The following LY75 variants were observed in gnomAD, a reference collection of about 807,000 sequenced individuals.
LY75 encodes C-type lectin domain family 13 member B.
Under a neutral mutation model 231.7 loss-of-function variants are expected in LY75, and 185 were observed. That is an observed-to-expected ratio of 0.80 (90% CI 0.71 to 0.90). The LOEUF is 0.90. Among genes scored for constraint, LY75 ranks in the 40% least tolerant of loss-of-function variants. LY75 has a pLI of 0.00. For synonymous variants in LY75, 668 were observed against 689.0 expected (o/e 0.97, Z 0.48); for missense variants, 1,947 against 2,050.2 (o/e 0.95, Z 0.97).
intron 31 of LY75, among the ~76,000 whole-genome samples, chr2:159,814,987 G>C: frequency 6.9e-6 from 1 of 145,160 alleles, no homozygotes; most frequent in African/African-American, 2.5e-5. Flanking sequence ...AAAATTATTT[G>C]TGAATACATC....
At chr2:159,850,211 T>C in intron 22 of LY75, 71 bp from the exon 23 acceptor site, 3 of 1,520,496 alleles carry the variant, frequency 2.0e-6, no homozygotes, top group South Asian at 2.6e-5. Context: ...TGTCAATGAA[T>C]ATATTTTGTT....
In LY75 at chr2:159,815,512, C is replaced by T. The variant is rs1436744372; in HGVS notation, c.4442G>A (p.Gly1481Asp). Residue 1481 changes from glycine (G) to aspartate (D), a missense_variant, in exon 31 of 35, where the codon GGC becomes GAC. By Grantham distance (94) the Gly-to-Asp change is moderately conservative (BLOSUM62 -1). Transcript: ENST00000263636. ...AACACAATTTCCAGGAGATGTTTGG[C>T]CTTTCCATGGGATATAGTCAAATGT... is the stretch of plus-strand genomic sequence containing the variant. Reference protein sequence around the residue: ...GSTFDYIPWKGQTSPGNCVLL... With the variant: ...GSTFDYIPWKDQTSPGNCVLL... The T allele has an allele frequency of 2.5e-6, 4 of 1,613,686 alleles. No homozygotes were observed. Among genetic ancestry groups the T allele is most frequent in the Non-Finnish European group, 3.4e-6 (4 of 1,179,954 alleles).
At chr2:159,809,774 T>C (rs1448957510) in intron 32 of LY75, among the ~76,000 whole-genome samples, 1 of 151,702 alleles carries the variant, frequency 6.6e-6, no homozygotes, top group Non-Finnish European at 1.5e-5. Context: ...ACCTCCCTGG[T>C]TCATGTGATT....
rs114997209 is a variant in LY75, at chr2:159,875,456, A to T, written c.1962T>A (p.Leu654=). The change falls in exon 12 of 35, where the codon CTT becomes CTA. Residue 654 remains leucine, a synonymous_variant. Transcript: ENST00000263636. ...PEGWQSFPAS[L]SCYKVFHAER... is the part of the protein sequence containing the mutation. ...AATGTCACTTTACCTTATAACAAGA[A>T]AGACTTGCGGGGAAACTCTGCCAGC... 6.2e-7 allele frequency: 1 copy of T among 1,612,988 alleles called. No individual in the cohort carries two copies. Among genetic ancestry groups the T allele is most frequent in the Admixed American group, 1.7e-5 (1 of 59,702 alleles).
chr2:159,900,877 T>C (rs12165237), intron 1 of LY75, among the ~76,000 whole-genome samples: 12,340 of 152,164 alleles, frequency 0.081, 1,346 homozygotes, highest in African/African-American at 0.25. Flanking sequence ...CTTGCTCTGT[T>C]GCCCAGGCTG....
chr2:159,873,288 C>T (rs992704611), intron 12 of LY75, among the ~76,000 whole-genome samples: 2 of 152,144 alleles, frequency 1.3e-5, no homozygotes, highest in Non-Finnish European at 1.5e-5. Flanking sequence ...TTGCCACAGC[C>T]CCCTGGTGGG....
chr2:159,857,593 T>G (rs1684585401), intron 16 of LY75, among the ~76,000 whole-genome samples: 1 of 151,940 alleles, frequency 6.6e-6, no homozygotes, highest in Admixed American at 6.6e-5. Flanking sequence ...AATACAAAAA[T>G]TGGCTAGGTG....
chr2:159,854,595 A>G (rs1178074298), intron 17 of LY75, 60 bp from the exon 18 acceptor site: 2 of 1,550,010 alleles, frequency 1.3e-6, no homozygotes, highest in African/African-American at 2.7e-5. Context: ...TGTGTCCTCT[A>G]AGCATGAGTT....
In LY75 at chr2:159,898,956, T is replaced by C. The variant is rs1462077404; in HGVS notation, c.198A>G (p.Leu66=). Residue 66 remains leucine, a synonymous_variant, in exon 2 of 35, where the codon TTA becomes TTG. Transcript: ENST00000263636. The part of the protein sequence containing the change: ...ADDCDETEDK[L]WKWVSQHRLF... Reference sequence around the variant, plus strand: ...GCCGATGCTGGGACACCCACTTCCATAACTTGTCCTCAGTTTCATCACAGT... The same window carrying C: ...GCCGATGCTGGGACACCCACTTCCACAACTTGTCCTCAGTTTCATCACAGT... 25 of 1,614,148 alleles carry C rather than the reference T, an allele frequency of 1.5e-5. No individual in the cohort carries two copies. Among genetic ancestry groups the C allele is most frequent in the Non-Finnish European group, 1.9e-5 (23 of 1,180,058 alleles).
intron 1 of LY75, among the ~76,000 whole-genome samples, chr2:159,904,123 T>G (rs1286955425): frequency 7.2e-5 from 11 of 152,314 alleles, no homozygotes; most frequent in Admixed American, 3.9e-4. Flanking sequence ...AATCCGGGAA[T>G]CGTGGGGAAT....
chr2:159,826,652 A>T (rs1430401659), intron 28 of LY75, among the ~76,000 whole-genome samples: 2 of 152,196 alleles, frequency 1.3e-5, no homozygotes, highest in Non-Finnish European at 2.9e-5. Flanking sequence ...TAGCCAAGAC[A>T]ATCCTGGACA....
chr2:159,891,619 A>G (rs1258282838), intron 3 of LY75, among the ~76,000 whole-genome samples: 2 of 152,034 alleles, frequency 1.3e-5, no homozygotes, highest in East Asian at 1.9e-4. Flanking sequence ...CATTAACACC[A>G]CTGTATGTGT....
At chr2:159,840,463 T>C (rs1333397281) in intron 25 of LY75, among the ~76,000 whole-genome samples, 1 of 152,036 alleles carries the variant, frequency 6.6e-6, no homozygotes, top group Non-Finnish European at 1.5e-5. Flanking sequence ...TCCCAGATAC[T>C]CAAGAGGCTG....
intron 16 of LY75, among the ~76,000 whole-genome samples, chr2:159,856,122 A>G (rs1369384675): frequency 6.6e-6 from 1 of 152,312 alleles, no homozygotes; most frequent in South Asian, 2.1e-4. Flanking sequence ...TCTTTAAATT[A>G]GTGAGAAAAG....
chr2:159,817,034 T>A lies in LY75; in HGVS notation c.4154-2A>T, dbSNP rs1380305566. On this transcript the variant is annotated splice_acceptor_variant, in intron 29 of 34. Transcript: ENST00000263636. LOFTEE classifies it high-confidence loss of function. Reference sequence around the variant, plus strand: ...TATTATATTCTTCTTTGTAGTCAACTATAATAATTAAAAGCACTGGTGATT... The same window carrying A: ...TATTATATTCTTCTTTGTAGTCAACAATAATAATTAAAAGCACTGGTGATT... 2 of 1,587,264 alleles carry A rather than the reference T, an allele frequency of 1.3e-6. No homozygotes were observed. The highest frequency in any genetic ancestry group is 1.8e-5 in the Admixed American group (1 of 56,628).
At chr2:159,855,351 G>A (rs1331052274) in intron 16 of LY75, among the ~76,000 whole-genome samples, 3 of 152,190 alleles carry the variant, frequency 2.0e-5, no homozygotes, top group African/African-American at 7.2e-5. Flanking sequence ...AACCACTTCT[G>A]CATCTAATGA....
At chr2:159,850,684 T>C (rs910985556) in intron 21 of LY75, among the ~76,000 whole-genome samples, 5 of 147,854 alleles carry the variant, frequency 3.4e-5, no homozygotes, top group South Asian at 2.1e-4. Flanking sequence ...CGGAGTGCAG[T>C]GGTGCAATCA....
In LY75 at chr2:159,872,597, A is replaced by C; in HGVS notation, c.1975-4T>G. On this transcript the variant is annotated splice_region_variant and splice_polypyrimidine_tract_variant and intron_variant, in intron 12 of 34. Transcript: ENST00000263636. ...CAATTCTTTCTGCATGGAATACCTTAGCAAAATATAATATTAATTTGTTTT... is the reference window on the plus strand; with the variant it reads ...CAATTCTTTCTGCATGGAATACCTTCGCAAAATATAATATTAATTTGTTTT... 1 of 1,608,812 alleles carries C rather than the reference A, an allele frequency of 6.2e-7. No individual in the cohort carries two copies. Among genetic ancestry groups the C allele is most frequent in the South Asian group, 1.1e-5 (1 of 90,182 alleles).
chr2:159,893,868 A>G (rs2125884056), intron 3 of LY75, 46 bp downstream of exon 3: 1 of 1,548,780 alleles, frequency 6.5e-7, no homozygotes, highest in African/African-American at 1.4e-5. Context: ...ATTGCCTCAT[A>G]TAAATGTACT....
Sources: gnomAD v4.1 joint callset for allele counts (sites outside exome capture counted in the v4.1 genomes callset) on GRCh38, gnomAD v4.1.1 for gene constraint, MANE v1.5 for transcripts, NCBI Gene and HGNC (gene_info 2026-07-23, HGNC 2026-07-21) for gene names.